The following PRKCA variants were observed in gnomAD, a reference collection of about 807,000 sequenced individuals.
The protein encoded by PRKCA is protein kinase C alpha.
PRKCA carries 27 observed loss-of-function variants against 87.0 expected under a neutral mutation model. That is an observed-to-expected ratio of 0.31 (90% CI 0.23 to 0.43). The LOEUF (loss-of-function observed/expected upper bound fraction) is 0.43, where lower values mean the gene tolerates loss of function less well. PRKCA is among the 20% of genes least tolerant of loss of function. The pLI is 1.00. For missense variants in PRKCA, 518 were observed against 852.3 expected (o/e 0.61, Z 4.88); for synonymous variants, 329 against 311.1 (o/e 1.06, Z -0.61).
intron 3 of PRKCA, among the ~76,000 whole-genome samples, chr17:66,587,164 C>T (rs368108406): frequency 2.6e-5 from 4 of 152,098 alleles, no homozygotes; most frequent in African/African-American, 7.2e-5. Flanking sequence ...GATCTCTTCC[C>T]GTTTTCCTAC....
chr17:66,781,759 G>T (rs1210342334), intron 14 of PRKCA, among the ~76,000 whole-genome samples: 1 of 151,952 alleles, frequency 6.6e-6, no homozygotes, highest in Admixed American at 6.6e-5. Context: ...AAGTTCTGGA[G>T]ATGGCCAGTG....
intron 8 of PRKCA, among the ~76,000 whole-genome samples, chr17:66,714,490 C>G (rs1359298006): frequency 2.0e-5 from 3 of 152,164 alleles, no homozygotes; most frequent in Non-Finnish European, 2.9e-5. Context: ...GCTGGGAAGC[C>G]CCTGTCTTTT....
intron 3 of PRKCA, among the ~76,000 whole-genome samples, chr17:66,530,758 G>C (rs1967506783): frequency 6.6e-6 from 1 of 152,158 alleles, no homozygotes; most frequent in African/African-American, 2.4e-5. Flanking sequence ...TCTTTTGCAG[G>C]TTTCTGCGCA....
At chr17:66,767,059 G>T (rs1974826729) in intron 13 of PRKCA, among the ~76,000 whole-genome samples, 2 of 152,042 alleles carry the variant, frequency 1.3e-5, no homozygotes, top group Admixed American at 6.5e-5. Context: ...ACATTGAAAA[G>T]ATAAAATTAT....
At chr17:66,621,826 CCT>C (rs1266121154) in intron 3 of PRKCA, among the ~76,000 whole-genome samples, 2 of 152,150 alleles carry the variant, frequency 1.3e-5, no homozygotes, top group East Asian at 3.8e-4. Flanking sequence ...ATAATCTGAT[CCT>C]CTAATGCATT....
chr17:66,711,211 A>G (rs1973319017), intron 8 of PRKCA, among the ~76,000 whole-genome samples: 1 of 152,220 alleles, frequency 6.6e-6, no homozygotes, highest in Non-Finnish European at 1.5e-5. Flanking sequence ...TTCTGTTAAT[A>G]TCTTTCAATC....
chr17:66,576,348 G>A (rs1314606388), intron 3 of PRKCA, among the ~76,000 whole-genome samples: 1 of 152,202 alleles, frequency 6.6e-6, no homozygotes, highest in Non-Finnish European at 1.5e-5. Flanking sequence ...GCCTGGCAAA[G>A]CATAAAGAAG....
In PRKCA at chr17:66,346,332, A is replaced by C. The variant is rs139006926; in HGVS notation, c.205+40205A>C. 2.6e-3 allele frequency among the ~76,000 whole-genome samples: 400 copies of C among 151,698 alleles called. 5 individuals are homozygous for C. The East Asian group carries it at 0.028, about 11-fold the overall frequency. ...TAGGATGGTCTCGATCTCCTGACCT[A>C]GTGATCTGCCCACCTTGGCCTCCCA... On this transcript the variant is annotated intron_variant, in intron 2 of 16. Coordinates refer to ENST00000413366, the MANE Select transcript of PRKCA (RefSeq NM_002737.3).
chr17:66,485,988 G>A (rs1915973259), intron 2 of PRKCA, among the ~76,000 whole-genome samples: 1 of 152,176 alleles, frequency 6.6e-6, no homozygotes, highest in South Asian at 2.1e-4. Context: ...AACCTGACAT[G>A]CACACTGGGT....
intron 2 of PRKCA, among the ~76,000 whole-genome samples, chr17:66,410,807 C>T (rs2143739960): frequency 6.6e-6 from 1 of 152,316 alleles, no homozygotes. Flanking sequence ...AACTCCTGAC[C>T]TCAGGCGATC....
chr17:66,641,777 C>G (rs573166919), intron 4 of PRKCA, among the ~76,000 whole-genome samples: 2 of 151,322 alleles, frequency 1.3e-5, no homozygotes, highest in Admixed American at 1.3e-4. Flanking sequence ...CCTAGTCAAA[C>G]CCCAAAGAAG....
intron 3 of PRKCA, among the ~76,000 whole-genome samples, chr17:66,625,888 A>C (rs1970840183): frequency 6.6e-6 from 1 of 152,150 alleles, no homozygotes; most frequent in South Asian, 2.1e-4. Flanking sequence ...CTTCATCTTT[A>C]AACTGGAGAC....
chr17:66,534,825 T>A (rs1258312619), intron 3 of PRKCA, among the ~76,000 whole-genome samples: 2 of 152,174 alleles, frequency 1.3e-5, no homozygotes, highest in Admixed American at 6.5e-5. Context: ...TTACTGACAG[T>A]GACATGAAGG....
At chr17:66,536,378 A>G (rs1034977320) in intron 3 of PRKCA, among the ~76,000 whole-genome samples, 2 of 152,250 alleles carry the variant, frequency 1.3e-5, no homozygotes, top group Non-Finnish European at 2.9e-5. Flanking sequence ...GAGAAAAGCC[A>G]CAGAAAACAC....
chr17:66,674,830 C>T (rs1972283245), intron 5 of PRKCA, among the ~76,000 whole-genome samples: 1 of 152,184 alleles, frequency 6.6e-6, no homozygotes. Flanking sequence ...CCTGGGCTGC[C>T]ACCCACAACC....
At chr17:66,384,596 A>G (rs9889403) in intron 2 of PRKCA, among the ~76,000 whole-genome samples, 6,890 of 151,596 alleles carry the variant, frequency 0.045, 356 homozygotes, top group African/African-American at 0.13. Flanking sequence ...GCATTTGACA[A>G]TGACTCCCTT....
At position 66,457,400 on chromosome 17, in the gene PRKCA, C is replaced by T. The variant is rs141751649; in HGVS notation, c.206-38801C>T. On this transcript the variant is annotated intron_variant, in intron 2 of 16. Transcript: ENST00000413366. ...TCTTCTAATTTGTTGAGCCTTGGTG[C>T]ATCCCTCTCTTGGGGTGATGATAAT... 6.1e-3 allele frequency among the ~76,000 whole-genome samples: 929 copies of T among 152,190 alleles called. 13 individuals are homozygous for T. Among genetic ancestry groups the T allele is most frequent in the African/African-American group, 0.02 (825 of 41,528 alleles).
chr17:66,461,606 C>T (rs1006843460), intron 2 of PRKCA, among the ~76,000 whole-genome samples: 3 of 152,282 alleles, frequency 2.0e-5, no homozygotes, highest in Middle Eastern at 3.4e-3. Flanking sequence ...AGAGAGCTCG[C>T]GTGCTAGGTA....
At chr17:66,379,642 G>A (rs116065167) in intron 2 of PRKCA, among the ~76,000 whole-genome samples, 1,693 of 152,216 alleles carry the variant, frequency 0.011, 25 homozygotes, top group African/African-American at 0.039. Flanking sequence ...TGCCTGTTCG[G>A]TTTTGGATTT....
Sources: allele counts gnomAD v4.1 joint callset (sites outside exome capture counted in the v4.1 genomes callset), GRCh38; gene constraint gnomAD v4.1.1; transcripts MANE v1.5; gene names NCBI Gene and HGNC (gene_info 2026-07-23, HGNC 2026-07-21).